Variants in NUAK1 observed in about 807,000 individuals in gnomAD.
NUAK1 encodes the protein NUAK family kinase 1, also known as NUAK family SNF1-like kinase 1.
NUAK1 carries 26 observed loss-of-function variants against 56.9 expected under a neutral mutation model. That is an observed-to-expected ratio of 0.46 (90% CI 0.33 to 0.63). The LOEUF is 0.63. NUAK1 is among the 30% of genes least tolerant of loss of function. The pLI, the probability that NUAK1 is intolerant of heterozygous loss-of-function variation, is 0.02. For missense variants in NUAK1, 727 were observed against 876.1 expected (o/e 0.83, Z 2.15); for synonymous variants, 337 against 336.0 (o/e 1.00, Z -0.03).
chr12:106,072,886 A>G, intron 4 of NUAK1, 43 bp from the exon 5 acceptor site: 1 of 1,610,688 alleles, frequency 6.2e-7, no homozygotes, highest in Non-Finnish European at 8.5e-7. Flanking sequence ...TTAGCATTCC[A>G]GATTATGTCT....
At chr12:106,088,357 C>G (rs1171919290) in intron 2 of NUAK1, among the ~76,000 whole-genome samples, 1 of 152,176 alleles carries the variant, frequency 6.6e-6, no homozygotes, top group Non-Finnish European at 1.5e-5. Context: ...TTCCATCAGG[C>G]CCCCTATGCC....
At position 106,138,887 on chromosome 12, in the gene NUAK1, G is replaced by C; in HGVS notation, c.-234C>G. The C allele has an allele frequency of 2.2e-6, 1 of 450,126 alleles. No homozygotes were observed. The highest frequency in any genetic ancestry group is 4.6e-5 in the Admixed American group (1 of 21,700). 27.9% of individuals were successfully genotyped at this position (450,126 alleles called of 1,614,324 possible). A position where few individuals can be genotyped will look rare whatever the true frequency, so the allele number is the denominator to read the frequency against. ...CGCCCCCCGGCCGCGGCGAGCTGTG[G>C]AGCGTCGGGCGAGGTGGCGGCGGTG... On this transcript the variant is annotated 5_prime_UTR_variant, in exon 1 of 7. Coordinates refer to ENST00000261402, the MANE Select transcript of NUAK1 (RefSeq NM_014840.3). This position sits in a 1 kb window ranked among gnomAD's most constrained non-coding sequence, Gnocchi z 5.0.
chr12:106,068,799 T>C (rs1019133828), intron 6 of NUAK1, among the ~76,000 whole-genome samples: 2 of 152,176 alleles, frequency 1.3e-5, no homozygotes, highest in African/African-American at 2.4e-5. Context: ...TTGGGGTGAA[T>C]TATATTCTTG....
chr12:106,130,043 G>A (rs1291117165), intron 1 of NUAK1, among the ~76,000 whole-genome samples: 5 of 151,976 alleles, frequency 3.3e-5, no homozygotes, highest in African/African-American at 1.2e-4. Context: ...GTGCAGTGGC[G>A]CGATCCTGAC....
chr12:106,095,495 G>A (rs569722891), intron 2 of NUAK1, among the ~76,000 whole-genome samples: 3 of 152,362 alleles, frequency 2.0e-5, no homozygotes, highest in Admixed American at 2.0e-4. Context: ...GGTGACCTGG[G>A]CAAGTTACTT....
At chr12:106,072,963 C>G in intron 4 of NUAK1, 120 bp from the exon 5 acceptor site, 1 of 1,124,512 alleles carries the variant, frequency 8.9e-7, no homozygotes, top group Non-Finnish European at 1.3e-6. Context: ...GGTCTGCTGG[C>G]TGGATCGCCA....
intron 4 of NUAK1, 99 bp downstream of exon 4, chr12:106,083,765 G>A: frequency 1.0e-6 from 1 of 991,782 alleles, no homozygotes; most frequent in East Asian, 2.4e-5. Flanking sequence ...GGTAGGAAGT[G>A]GCTGCCTTAT....
chr12:106,115,759 T>C (rs1400185964), intron 1 of NUAK1, among the ~76,000 whole-genome samples: 1 of 152,128 alleles, frequency 6.6e-6, no homozygotes, highest in Non-Finnish European at 1.5e-5. Flanking sequence ...CAGACGAGCA[T>C]TTCCTGCCGT....
chr12:106,113,358 G>A (rs966477055), intron 1 of NUAK1, among the ~76,000 whole-genome samples: 8 of 152,110 alleles, frequency 5.3e-5, no homozygotes, highest in Non-Finnish European at 7.4e-5. Context: ...CCACAAACCC[G>A]CCTGAAAAGG....
intron 1 of NUAK1, among the ~76,000 whole-genome samples, chr12:106,123,725 G>T (rs573411087): frequency 6.6e-6 from 1 of 152,182 alleles, no homozygotes; most frequent in African/African-American, 2.4e-5. Flanking sequence ...ATGGTATGCA[G>T]CCCGGCCAAG....
chr12:106,089,105 C>T lies in NUAK1; in HGVS notation c.362-2220G>A, dbSNP rs571533103. Among the ~76,000 whole-genome samples the T allele has an allele frequency of 5.2e-4, 79 of 152,342 alleles. 1 individual carries two copies. In the South Asian group the frequency reaches 0.012, roughly 24 times the overall value. ...TAAACCTTGGAAACTGGAAACACCC[C>T]GACTGCCTCGGGATGCATGGCCCAG... On this transcript the variant is annotated intron_variant, in intron 2 of 6. Transcript: ENST00000261402.
chr12:106,085,950 T>TC (rs1484022656), intron 3 of NUAK1, among the ~76,000 whole-genome samples: 1 of 152,010 alleles, frequency 6.6e-6, no homozygotes, highest in East Asian at 1.9e-4. Context: ...CAAGCAATCC[T>TC]CCCCCCTCAG....
At position 106,138,593 on chromosome 12, in the gene NUAK1, C is replaced by T; in HGVS notation, c.61G>A (p.Gly21Ser). The change falls in exon 1 of 7, where the codon GGC (glycine) becomes AGC (serine). Residue 21 changes from glycine (G) to serine (S), a missense_variant. Transcript: ENST00000261402. The surrounding 1 kb of genome is among the most constrained non-coding windows in gnomAD (Gnocchi z 5.0). ...CCCGCCACCGCCTCTCGGGGAGAGC[C>T]CGGCGCCCCCAGCCCCAAGTCGGGG... ...DRPDLGLGAPGSPREAVAGAT... is the reference protein window; with the variant it reads ...DRPDLGLGAPSSPREAVAGAT... 1 of 1,581,766 alleles carries T rather than the reference C, an allele frequency of 6.3e-7. No homozygotes were observed. The highest frequency in any genetic ancestry group is 8.5e-7 in the Non-Finnish European group (1 of 1,171,158).
rs137868189 is a variant in NUAK1 at position 106,122,679 on chromosome 12, C to G, written c.240+15735G>C. Among the ~76,000 whole-genome samples, 377 of 152,276 alleles carry G rather than the reference C, an allele frequency of 2.5e-3. 1 individual carries two copies. The highest frequency in any genetic ancestry group is 8.8e-3 in the African/African-American group (366 of 41,536). On this transcript the variant is annotated intron_variant, in intron 1 of 6. Coordinates refer to ENST00000261402, the MANE Select transcript of NUAK1 (RefSeq NM_014840.3). ...AATACAGCAACTAGCTTCCCATTGT[C>G]CAGAGCTGTGTTCTCAAAATAAAGA...
At chr12:106,130,936 G>A (rs2033071681) in intron 1 of NUAK1, among the ~76,000 whole-genome samples, 1 of 152,188 alleles carries the variant, frequency 6.6e-6, no homozygotes, top group African/African-American at 2.4e-5. Flanking sequence ...GAACCCAGAG[G>A]TTAAAAATTA....
At chr12:106,127,086 A>G (rs569047596) in intron 1 of NUAK1, among the ~76,000 whole-genome samples, 19 of 152,332 alleles carry the variant, frequency 1.2e-4, no homozygotes, top group African/African-American at 4.1e-4. Context: ...TCCTTGTGAC[A>G]ACCTAGGAGT....
At chr12:106,082,746 G>C (rs1386329633) in intron 4 of NUAK1, among the ~76,000 whole-genome samples, 1 of 152,138 alleles carries the variant, frequency 6.6e-6, no homozygotes, top group Non-Finnish European at 1.5e-5. Flanking sequence ...GGTGACTAAT[G>C]GTTGCTGCCA....
chr12:106,128,125 TTTCTTTTTC>T (rs1427413052), intron 1 of NUAK1, among the ~76,000 whole-genome samples: 2 of 143,834 alleles, frequency 1.4e-5, no homozygotes, highest in East Asian at 3.9e-4. Context: ...AATTCTCTCT[TTTCTTTTTC>T]TTTTTTTTTT....
Position 106,067,581 on chromosome 12 carries a change from T to C in NUAK1, c.1207A>G (p.Lys403Glu), listed in dbSNP as rs751816829. ...GAGCGATGCTCGCTGTTGCTTCGCT[T>C]CTTCAGGATCCCCTTGGGCCTCTTA... ...SSKRPKGILK[K>E]RSNSEHRSHS... The change falls in exon 7 of 7, where the codon AAG becomes GAG. Residue 403 changes from lysine to glutamate, a missense_variant. Transcript: ENST00000261402. The surrounding 1 kb of genome is among the most constrained non-coding windows in gnomAD (Gnocchi z 6.0). The C allele has an allele frequency of 1.2e-6, 2 of 1,614,232 alleles. No homozygotes were observed. Among genetic ancestry groups the C allele is most frequent in the South Asian group, 1.1e-5 (1 of 91,088 alleles).
Sources: gnomAD v4.1 joint callset for allele counts (sites outside exome capture counted in the v4.1 genomes callset) on GRCh38, gnomAD v4.1.1 for gene constraint, Gnocchi (gnomAD v3.1) non-coding constraint, MANE v1.5 for transcripts, NCBI Gene and HGNC (gene_info 2026-07-23, HGNC 2026-07-21) for gene names.